EFEMP1: variants seen among roughly 807,000 people sequenced by gnomAD.
EFEMP1 encodes EGF-like fibulin extracellular matrix protein 1.
Under a neutral mutation model 65.7 loss-of-function variants are expected in EFEMP1, and 18 were observed. That is an observed-to-expected ratio of 0.27 (90% confidence interval 0.19 to 0.41). EFEMP1 has a LOEUF of 0.41. Among genes scored for constraint, EFEMP1 ranks in the 10% least tolerant of loss-of-function variants. The probability of loss-of-function intolerance (pLI) is 1.00; values close to 1 mark genes in which losing one functional copy is unlikely to be tolerated. For missense variants in EFEMP1, 469 were observed against 624.8 expected (o/e 0.75, Z 2.66); for synonymous variants, 237 against 219.7 (o/e 1.08, Z -0.70).
chr2:55,918,067 A>G lies in EFEMP1; in HGVS notation c.131-16T>C, dbSNP rs143480857. On this transcript the variant is annotated splice_polypyrimidine_tract_variant and intron_variant, in intron 4 of 11. Coordinates refer to ENST00000355426, the MANE Select transcript of EFEMP1 (RefSeq NM_001039348.3). ...TCATCAATATCTGTGGTCAGTAATA[A>G]AATAAGTCAGGAATCTTCTAAGAGG... The G allele has an allele frequency of 3.0e-5, 49 of 1,614,224 alleles. No individual in the cohort carries two copies. In the East Asian group the frequency reaches 4.7e-4, roughly 15 times the overall value.
Position 55,922,813 on chromosome 2 carries a change from G to GC in EFEMP1, c.-8+85dup. ...TTTCAAAGGGGACGGTGCATTTCCT[G>GC]CCCCCCAGTCCCACACCCCGGGGGA... is the stretch of plus-strand genomic sequence containing the variant. On this transcript the variant is annotated intron_variant, in intron 2 of 11. Coordinates refer to ENST00000355426, the MANE Select transcript of EFEMP1 (RefSeq NM_001039348.3). This position sits in a 1 kb window ranked among gnomAD's most constrained non-coding sequence, Gnocchi z 5.5. The GC allele has an allele frequency of 6.8e-6, 7 of 1,024,474 alleles. No homozygotes were observed. The highest frequency in any genetic ancestry group is 1.8e-5 in the South Asian group (1 of 56,118). 63.5% of individuals were successfully genotyped at this position (1,024,474 alleles called of 1,614,324 possible). A position where few individuals can be genotyped will look rare whatever the true frequency, so the allele number is the denominator to read the frequency against.
At chr2:55,894,643 T>C (rs1669748813) in intron 5 of EFEMP1, among the ~76,000 whole-genome samples, 1 of 152,232 alleles carries the variant, frequency 6.6e-6, no homozygotes, top group South Asian at 2.1e-4. Flanking sequence ...AGTAATATAG[T>C]AAAACCATGG....
chr2:55,894,511 CAG>C (rs1159264006), intron 5 of EFEMP1, among the ~76,000 whole-genome samples: 1 of 113,258 alleles, frequency 8.8e-6, no homozygotes, highest in Non-Finnish European at 2.0e-5. Context: ...AGCAGGTTGG[CAG>C]AGTCTTCACT....
At chr2:55,887,519 G>A (rs1669466562) in intron 5 of EFEMP1, among the ~76,000 whole-genome samples, 1 of 152,128 alleles carries the variant, frequency 6.6e-6, no homozygotes, top group South Asian at 2.1e-4. Context: ...ACTGGAATCA[G>A]ATTTATCTGG....
intron 5 of EFEMP1, among the ~76,000 whole-genome samples, chr2:55,913,657 A>G (rs1572845675): frequency 6.6e-6 from 1 of 152,100 alleles, no homozygotes; most frequent in East Asian, 1.9e-4. Context: ...TATGATTTTA[A>G]AAAATCCTTT....
chr2:55,916,798 A>G (rs1352499530), intron 5 of EFEMP1, among the ~76,000 whole-genome samples: 1 of 152,218 alleles, frequency 6.6e-6, no homozygotes, highest in East Asian at 1.9e-4. Context: ...GTTTGCCAAG[A>G]AGAAAGGGAA....
chr2:55,895,454 G>C (rs986073383), intron 5 of EFEMP1, among the ~76,000 whole-genome samples: 2 of 152,000 alleles, frequency 1.3e-5, no homozygotes, highest in Admixed American at 1.3e-4. Flanking sequence ...TACCAGTAAA[G>C]ACTCCCCTTG....
chr2:55,878,987 T>C (rs1313753655), intron 6 of EFEMP1, among the ~76,000 whole-genome samples: 3 of 152,236 alleles, frequency 2.0e-5, no homozygotes, highest in African/African-American at 7.2e-5. Context: ...TTCCCCTTAC[T>C]TTGGTTCAGG....
At chr2:55,909,047 A>G (rs936653986) in intron 5 of EFEMP1, among the ~76,000 whole-genome samples, 2 of 152,198 alleles carry the variant, frequency 1.3e-5, no homozygotes, top group African/African-American at 4.8e-5. Context: ...AAACGGGGAC[A>G]AGGTATCTGA....
intron 5 of EFEMP1, among the ~76,000 whole-genome samples, chr2:55,897,462 C>T (rs1450423891): frequency 6.6e-6 from 1 of 152,092 alleles, no homozygotes; most frequent in Non-Finnish European, 1.5e-5. Flanking sequence ...AGGAAAAGTA[C>T]AGGTATGACT....
intron 3 of EFEMP1, 85 bp from the exon 4 acceptor site, chr2:55,918,352 C>T: frequency 1.4e-6 from 2 of 1,453,916 alleles, no homozygotes; most frequent in Non-Finnish European, 1.9e-6. Flanking sequence ...AAGCTTCATT[C>T]TTATGGCAAC....
At chr2:55,897,035 C>T (rs1440532840) in intron 5 of EFEMP1, among the ~76,000 whole-genome samples, 4 of 152,314 alleles carry the variant, frequency 2.6e-5, no homozygotes, top group African/African-American at 9.6e-5. Context: ...TTCCCTACTT[C>T]TCTAAAGTCT....
intron 5 of EFEMP1, among the ~76,000 whole-genome samples, chr2:55,896,661 A>G (rs977658413): frequency 7.2e-5 from 11 of 152,240 alleles, no homozygotes; most frequent in Non-Finnish European, 1.0e-4. Flanking sequence ...ATTAGTTACA[A>G]TAAAATTATC....
At chr2:55,884,762 C>T (rs1195409410) in intron 5 of EFEMP1, among the ~76,000 whole-genome samples, 1 of 152,146 alleles carries the variant, frequency 6.6e-6, no homozygotes, top group Non-Finnish European at 1.5e-5. Context: ...TTATCCTTGA[C>T]AGTTAAGCTC....
intron 5 of EFEMP1, among the ~76,000 whole-genome samples, chr2:55,901,853 C>G (rs1670049015): frequency 6.6e-6 from 1 of 152,212 alleles, no homozygotes; most frequent in Admixed American, 6.5e-5. Flanking sequence ...AGCATCCTCT[C>G]TCTTGCTGGA....
At chr2:55,898,360 C>T (rs774291973) in intron 5 of EFEMP1, among the ~76,000 whole-genome samples, 1 of 152,192 alleles carries the variant, frequency 6.6e-6, no homozygotes, top group Non-Finnish European at 1.5e-5. Flanking sequence ...GCAGAAGCTG[C>T]TCTGTGGCAA....
At position 55,883,403 on chromosome 2, in the gene EFEMP1, T is replaced by C. The variant is rs1669316791; in HGVS notation, c.518-1669A>G. Reference sequence around the variant, plus strand: ...CTTTTATTATTTTCTCAGATGCACTTGATGAAAACCTTTTTACTGGGGTTT... The same window carrying C: ...CTTTTATTATTTTCTCAGATGCACTCGATGAAAACCTTTTTACTGGGGTTT... On this transcript the variant is annotated intron_variant, in intron 5 of 11. Transcript: ENST00000355426. The surrounding 1 kb of genome is among the most constrained non-coding windows in gnomAD (Gnocchi z 4.5). 1.3e-5 allele frequency among the ~76,000 whole-genome samples: 2 copies of C among 152,344 alleles called. No individual in the cohort carries two copies. The highest frequency in any genetic ancestry group is 4.1e-4 in the South Asian group (2 of 4,820).
In EFEMP1 at chr2:55,919,200, T is replaced by C. The variant is rs1301328051; in HGVS notation, c.82-933A>G. Among the ~76,000 whole-genome samples, 3 of 152,146 alleles carry C rather than the reference T, an allele frequency of 2.0e-5. No homozygotes were observed. The highest frequency in any genetic ancestry group is 7.2e-5 in the African/African-American group (3 of 41,426). On this transcript the variant is annotated intron_variant, in intron 3 of 11. Transcript: ENST00000355426. The surrounding 1 kb of genome is among the most constrained non-coding windows in gnomAD (Gnocchi z 4.5). ...AAAGGGAAGGAGCTGCAAGGAGTTC[T>C]GGGTAGGTGGAGGATGAGGTTACAG...
At chr2:55,899,382 T>C (rs1462770038) in intron 5 of EFEMP1, among the ~76,000 whole-genome samples, 2 of 152,226 alleles carry the variant, frequency 1.3e-5, no homozygotes, top group African/African-American at 2.4e-5. Flanking sequence ...CACGTGTTAA[T>C]TGAATGCATT....
Sources: gnomAD v4.1 joint callset for allele counts (sites outside exome capture counted in the v4.1 genomes callset) on GRCh38, gnomAD v4.1.1 for gene constraint, Gnocchi (gnomAD v3.1) non-coding constraint, MANE v1.5 for transcripts, NCBI Gene and HGNC (gene_info 2026-07-23, HGNC 2026-07-21) for gene names.